Variants in SPMAP2L observed in about 807,000 individuals in gnomAD.
SPMAP2L encodes the protein sperm microtubule associated protein 2-like.
the SPMAP2L span, among the ~76,000 whole-genome samples, chr4:56,557,268 A>G: frequency 6.8e-6 from 1 of 146,176 alleles, no homozygotes. Context: ...AAAAAAAAAA[A>G]AAAGAAAAGA....
chr4:56,561,816 C>T, the SPMAP2L span, among the ~76,000 whole-genome samples: 26 of 152,220 alleles, frequency 1.7e-4, no homozygotes, highest in African/African-American at 3.9e-4. Context: ...CCTCCACCTC[C>T]GGGTTCAAGC....
chr4:56,605,209 A>G, the SPMAP2L span, among the ~76,000 whole-genome samples: 3 of 152,162 alleles, frequency 2.0e-5, no homozygotes, highest in Admixed American at 2.0e-4. Context: ...GGCATAATTC[A>G]TATCAGTGGG....
At chr4:56,595,971 G>A in the SPMAP2L span, among the ~76,000 whole-genome samples, 37,261 of 152,078 alleles carry the variant, frequency 0.25, 4,925 homozygotes, top group East Asian at 0.49. Context: ...GCCATTTTGT[G>A]TTTTGCATAG....
chr4:56,614,453 AAGACC>A, the SPMAP2L span, among the ~76,000 whole-genome samples: 5 of 152,042 alleles, frequency 3.3e-5, no homozygotes, highest in Non-Finnish European at 7.4e-5. Context: ...TCAGGAGTTC[AAGACC>A]AGCCTGGCCA....
the SPMAP2L span, among the ~76,000 whole-genome samples, chr4:56,592,450 G>C: frequency 6.6e-6 from 1 of 152,232 alleles, no homozygotes; most frequent in Non-Finnish European, 1.5e-5. Context: ...GAAAAGCTAC[G>C]TTGGGGAGCC....
the SPMAP2L span, among the ~76,000 whole-genome samples, chr4:56,582,995 G>A: frequency 6.6e-6 from 1 of 152,096 alleles, no homozygotes; most frequent in African/African-American, 2.4e-5. Flanking sequence ...ATTCCTGGCC[G>A]GGTGCAGTGG....
the SPMAP2L span, among the ~76,000 whole-genome samples, chr4:56,541,766 T>A: frequency 6.6e-6 from 1 of 152,214 alleles, no homozygotes; most frequent in African/African-American, 2.4e-5. Context: ...AAAAGCCACA[T>A]AATTATCATG....
At chr4:56,584,352 T>G in the SPMAP2L span, 54 of 591,806 alleles carry the variant, frequency 9.1e-5, no homozygotes, top group South Asian at 3.9e-4. Flanking sequence ...ACCAATCTGA[T>G]AGAAAGAGCA....
the SPMAP2L span, among the ~76,000 whole-genome samples, chr4:56,538,047 C>T: frequency 6.6e-6 from 1 of 152,256 alleles, no homozygotes; most frequent in East Asian, 1.9e-4. Context: ...CTACTCTTGT[C>T]CCCTGCAGCC....
At chr4:56,621,632 T>C in the SPMAP2L span, among the ~76,000 whole-genome samples, 1 of 152,268 alleles carries the variant, frequency 6.6e-6, no homozygotes, top group South Asian at 2.1e-4. Context: ...ACAATTAGAA[T>C]TGAAAATAAT....
the SPMAP2L span, among the ~76,000 whole-genome samples, chr4:56,579,693 C>T: frequency 6.6e-6 from 1 of 152,094 alleles, no homozygotes; most frequent in Admixed American, 6.6e-5. Flanking sequence ...CACATAAGCC[C>T]AGGTGGTCAA....
At chr4:56,595,187 T>C in the SPMAP2L span, 3 of 1,611,502 alleles carry the variant, frequency 1.9e-6, no homozygotes, top group Non-Finnish European at 2.5e-6. Flanking sequence ...GCCAAGCGAT[T>C]AGAAAAACAC....
At chr4:56,600,093 CTTTCTTTTT>C in the SPMAP2L span, among the ~76,000 whole-genome samples, 7 of 93,840 alleles carry the variant, frequency 7.5e-5, no homozygotes, top group African/African-American at 2.8e-4. Flanking sequence ...TTTTTCTTTG[CTTTCTTTTT>C]TTTTTTTTTT....
chr4:56,577,069 T>TA, the SPMAP2L span, among the ~76,000 whole-genome samples: 855 of 151,966 alleles, frequency 5.6e-3, 8 homozygotes, highest in African/African-American at 0.02. Flanking sequence ...TTCCTTAGGC[T>TA]AATGGTCTGA....
chr4:56,549,080 C>G, the SPMAP2L span, among the ~76,000 whole-genome samples: 1 of 151,542 alleles, frequency 6.6e-6, no homozygotes, highest in Non-Finnish European at 1.5e-5. Flanking sequence ...CCTCTGCCTC[C>G]CGGGTTCAAG....
the SPMAP2L span, among the ~76,000 whole-genome samples, chr4:56,579,389 T>C: frequency 6.6e-6 from 1 of 151,832 alleles, no homozygotes; most frequent in Non-Finnish European, 1.5e-5. Flanking sequence ...TTGATATGAA[T>C]AAAACTGAAA....
At chr4:56,610,901 C>T in the SPMAP2L span, among the ~76,000 whole-genome samples, 2 of 152,122 alleles carry the variant, frequency 1.3e-5, no homozygotes, top group South Asian at 2.1e-4. Flanking sequence ...TGCGATACCA[C>T]CTTACTCCTG....
the SPMAP2L span, chr4:56,595,354 G>T: frequency 1.9e-6 from 3 of 1,604,286 alleles, no homozygotes; most frequent in African/African-American, 4.0e-5. Flanking sequence ...CTGGCCTGTG[G>T]CAGGGACCCT....
At chr4:56,559,513 C>A in the SPMAP2L span, 1 of 1,516,290 alleles carries the variant, frequency 6.6e-7, no homozygotes, top group South Asian at 1.2e-5. Context: ...CCACTATGTA[C>A]CTAACAGGTT....
Sources: allele counts gnomAD v4.1 joint callset (sites outside exome capture counted in the v4.1 genomes callset), GRCh38; gene constraint gnomAD v4.1.1; transcripts MANE v1.5; gene names NCBI Gene and HGNC (gene_info 2026-07-23, HGNC 2026-07-21).